The following ARSB variants were observed in gnomAD, a reference collection of about 807,000 sequenced individuals.
ARSB encodes arylsulfatase B.
Under a neutral mutation model 50.9 loss-of-function variants are expected in ARSB, and 41 were observed. The ratio of observed to expected loss-of-function variants is 0.81; its 90% confidence interval spans 0.63 to 1.04. ARSB has a LOEUF of 1.04. Among genes scored for constraint, ARSB ranks in the 50% least tolerant of loss-of-function variants. The pLI is 0.00. For missense variants in ARSB, 672 were observed against 693.3 expected (o/e 0.97, Z 0.35); for synonymous variants, 269 against 284.8 (o/e 0.94, Z 0.56).
chr5:78,871,157 A>G (rs1195895222), intron 5 of ARSB, among the ~76,000 whole-genome samples: 1 of 150,332 alleles, frequency 6.7e-6, no homozygotes, highest in East Asian at 2.0e-4. Context: ...TGCTCAAGGA[A>G]ATAAAAGAGG....
intron 1 of ARSB, among the ~76,000 whole-genome samples, chr5:78,983,280 C>A (rs985391066): frequency 1.3e-5 from 2 of 152,150 alleles, no homozygotes; most frequent in Admixed American, 1.3e-4. Flanking sequence ...TCTCGAACTC[C>A]TGACCTCAGG....
intron 5 of ARSB, chr5:78,884,800 C>A (rs1335272978): frequency 6.6e-6 from 1 of 152,138 alleles, no homozygotes; most frequent in Non-Finnish European, 1.5e-5. Context: ...AATTTTCTTC[C>A]TGTACTCCAA....
intron 4 of ARSB, among the ~76,000 whole-genome samples, chr5:78,904,080 T>C (rs1016217361): frequency 3.9e-5 from 6 of 152,088 alleles, no homozygotes; most frequent in African/African-American, 1.5e-4. Context: ...GAATGTCATA[T>C]AAAAAAATCA....
At chr5:78,791,088 A>T (rs553936665) in intron 6 of ARSB, among the ~76,000 whole-genome samples, 1 of 152,310 alleles carries the variant, frequency 6.6e-6, no homozygotes, top group Non-Finnish European at 1.5e-5. Context: ...CCAATAACCC[A>T]TCTGACTTTC....
chr5:78,969,118 C>G lies in ARSB; in HGVS notation c.387G>C (p.Leu129=), dbSNP rs1752337674. Residue 129 remains leucine (L), a synonymous_variant, in exon 2 of 8, where the codon CTG becomes CTC. Transcript: ENST00000264914. ...PSCVPLDEKL[L]PQLLKEAGYT... is the part of the protein sequence containing the mutation. ...AACCTGCTTCTTTTAGGAGCTGGGG[C>G]AGGAGTTTTTCATCCAGAGGAACAC... 3 of 1,614,012 alleles carry G rather than the reference C, an allele frequency of 1.9e-6. No homozygotes were observed. The highest frequency in any genetic ancestry group is 2.5e-6 in the Non-Finnish European group (3 of 1,180,014).
At chr5:78,881,911 A>G (rs1244429944) in intron 5 of ARSB, among the ~76,000 whole-genome samples, 8 of 152,384 alleles carry the variant, frequency 5.2e-5, no homozygotes, top group Non-Finnish European at 1.2e-4. Context: ...ATGAAGACCC[A>G]AAGATATAGA....
At chr5:78,981,869 T>C (rs1169579383) in intron 1 of ARSB, among the ~76,000 whole-genome samples, 1 of 152,112 alleles carries the variant, frequency 6.6e-6, no homozygotes, top group African/African-American at 2.4e-5. Flanking sequence ...AAGGGGTCTG[T>C]AAATATTAAC....
chr5:78,793,742 T>G (rs1022429982), intron 6 of ARSB, among the ~76,000 whole-genome samples: 4 of 152,150 alleles, frequency 2.6e-5, no homozygotes, highest in Non-Finnish European at 5.9e-5. Flanking sequence ...TGATCAATTT[T>G]GATGGGTGTT....
rs1471883324 is a variant in ARSB, at chr5:78,834,631, A to G, written c.1213+4725T>C. On this transcript the variant is annotated intron_variant, in intron 6 of 7. Transcript: ENST00000264914. ...TGTATATATATATATATATATATAT[A>G]TATATATATATATATGCCACATTTT... Among the ~76,000 whole-genome samples the G allele has an allele frequency of 5.6e-4, 73 of 130,302 alleles. 1 individual carries two copies. Among genetic ancestry groups the G allele is most frequent in the African/African-American group, 1.5e-3 (42 of 28,872 alleles). 85.5% of individuals were successfully genotyped at this position (130,302 alleles called of 152,430 possible).
At chr5:78,906,274 A>C (rs964192669) in intron 4 of ARSB, among the ~76,000 whole-genome samples, 5 of 152,216 alleles carry the variant, frequency 3.3e-5, no homozygotes, top group Non-Finnish European at 5.9e-5. Context: ...TAGAGGCTGC[A>C]GTGAGCTATG....
intron 6 of ARSB, among the ~76,000 whole-genome samples, chr5:78,832,079 G>C (rs1480593694): frequency 6.6e-6 from 1 of 151,676 alleles, no homozygotes; most frequent in Admixed American, 6.6e-5. Context: ...GCTCCGGATG[G>C]GGAAAACACG....
chr5:78,962,753 T>C (rs912478001), intron 3 of ARSB, among the ~76,000 whole-genome samples: 1 of 151,884 alleles, frequency 6.6e-6, no homozygotes. Flanking sequence ...ATGTCAGGAG[T>C]TGTATAACAT....
chr5:78,803,135 G>A (rs1743455663), intron 6 of ARSB, among the ~76,000 whole-genome samples: 1 of 152,242 alleles, frequency 6.6e-6, no homozygotes, highest in Admixed American at 6.5e-5. Context: ...TCAGACAGAT[G>A]AAGAGCAGGC....
At chr5:78,836,604 T>C (rs544181681) in intron 6 of ARSB, among the ~76,000 whole-genome samples, 2 of 152,372 alleles carry the variant, frequency 1.3e-5, no homozygotes, top group South Asian at 4.1e-4. Context: ...TCTATTCTAA[T>C]TTCCATGCTC....
At chr5:78,815,850 A>T in intron 6 of ARSB, 11 of 1,359,272 alleles carry the variant, frequency 8.1e-6, no homozygotes, top group Non-Finnish European at 9.5e-6. Context: ...ATTTTGAAAT[A>T]ATATAAGAAA....
chr5:78,964,654 A>G (rs1173244890), intron 2 of ARSB, 48 bp from the exon 3 acceptor site: 1 of 1,557,058 alleles, frequency 6.4e-7, no homozygotes, highest in Admixed American at 1.7e-5. Context: ...AAAACTTGTT[A>G]AACAAACTAA....
intron 6 of ARSB, among the ~76,000 whole-genome samples, chr5:78,800,483 C>T (rs1386041250): frequency 6.6e-6 from 1 of 152,154 alleles, no homozygotes; most frequent in Non-Finnish European, 1.5e-5. Context: ...CTGACCAAGA[C>T]TTTGCATTTT....
At chr5:78,937,854 C>A (rs185645093) in intron 4 of ARSB, among the ~76,000 whole-genome samples, 14 of 152,148 alleles carry the variant, frequency 9.2e-5, no homozygotes, top group Non-Finnish European at 1.0e-4. Flanking sequence ...ATATAAGGTG[C>A]CAAGATTATC....
At chr5:78,898,860 G>C (rs934098362) in intron 4 of ARSB, among the ~76,000 whole-genome samples, 2 of 152,228 alleles carry the variant, frequency 1.3e-5, no homozygotes, top group African/African-American at 4.8e-5. Flanking sequence ...TACAGTAAGA[G>C]AGTATTCTGA....
Sources: gnomAD v4.1 joint callset for allele counts (sites outside exome capture counted in the v4.1 genomes callset) on GRCh38, gnomAD v4.1.1 for gene constraint, MANE v1.5 for transcripts, NCBI Gene and HGNC (gene_info 2026-07-23, HGNC 2026-07-21) for gene names.